The following SLC6A16 variants were observed in gnomAD, a reference collection of about 807,000 sequenced individuals.
SLC6A16 encodes orphan sodium- and chloride-dependent neurotransmitter transporter NTT5.
SLC6A16 carries 54 observed loss-of-function variants against 65.4 expected under a neutral mutation model. The ratio of observed to expected loss-of-function variants is 0.83; its 90% CI spans 0.66 to 1.04. The LOEUF (loss-of-function observed/expected upper bound fraction) is 1.04, where lower values mean the gene tolerates loss of function less well. SLC6A16 is among the 50% of genes least tolerant of loss of function. The pLI is 0.00. For synonymous variants in SLC6A16, 330 were observed against 346.5 expected (o/e 0.95, Z 0.53); for missense variants, 816 against 914.0 (o/e 0.89, Z 1.38).
At chr19:49,302,643 A>G (rs56712440) in intron 7 of SLC6A16, among the ~76,000 whole-genome samples, 3,405 of 152,364 alleles carry the variant, frequency 0.022, 127 homozygotes, top group African/African-American at 0.071. Context: ...ACTCCAAAGA[A>G]TAGCAGATCC....
the SLC6A16 span, chr19:49,337,164 G>T: frequency 6.2e-7 from 1 of 1,614,052 alleles, no homozygotes; most frequent in Non-Finnish European, 8.5e-7. Flanking sequence ...GGATGCTGCT[G>T]CTCCTGTTTG....
intron 7 of SLC6A16, among the ~76,000 whole-genome samples, chr19:49,299,985 G>A (rs1372713157): frequency 3.9e-5 from 5 of 129,650 alleles, no homozygotes; most frequent in African/African-American, 1.5e-4. Flanking sequence ...GCGACAGAGT[G>A]AGACTCTGTC....
chr19:49,339,555 G>A, the SLC6A16 span: 5 of 1,463,668 alleles, frequency 3.4e-6, no homozygotes, highest in Non-Finnish European at 3.6e-6. The surrounding 1 kb of genome is among the most constrained non-coding windows in gnomAD (Gnocchi z 4.5). Context: ...GCTCCACCCA[G>A]CACCGGAGGG....
At chr19:49,335,691 G>A in the SLC6A16 span, 62 of 1,613,054 alleles carry the variant, frequency 3.8e-5, no homozygotes, top group Non-Finnish European at 4.9e-5. This position sits in a 1 kb window ranked among gnomAD's most constrained non-coding sequence, Gnocchi z 4.6. Flanking sequence ...GCCCACCCCC[G>A]TATCCGCATC....
In SLC6A16 at chr19:49,309,673, T is replaced by A; in HGVS notation, c.854A>T (p.Asn285Ile). ...CWCLVGAFMI[N>I]GLKSTGKVIY... ...CACCTTCCCAGTGGACTTGAGCCCA[T>A]TGATCATGAAAGCACCAACAAGACA... The change falls in exon 5 of 12, where the codon AAT (asparagine) becomes ATT (isoleucine). Residue 285 changes from asparagine to isoleucine, a missense_variant. Physicochemically the swap from Asn to Ile is moderately radical, Grantham distance 149 (BLOSUM62 -3). Transcript: ENST00000335875. The A allele has an allele frequency of 1.2e-6, 2 of 1,613,842 alleles. No homozygotes were observed. The highest frequency in any genetic ancestry group is 1.7e-6 in the Non-Finnish European group (2 of 1,179,802).
chr19:49,312,657 T>A, intron 1 of SLC6A16: 1 of 805,174 alleles, frequency 1.2e-6, no homozygotes, highest in Non-Finnish European at 1.5e-6. Context: ...GAGGGGAAAC[T>A]GGAGTTTTCT....
the SLC6A16 span, chr19:49,337,703 A>G: frequency 1.3e-6 from 2 of 1,533,112 alleles, no homozygotes; most frequent in Admixed American, 2.0e-5. Flanking sequence ...AGAGAGAACA[A>G]GAGAAAGAAA....
chr19:49,332,967 G>A, the SLC6A16 span, among the ~76,000 whole-genome samples: 13 of 152,160 alleles, frequency 8.5e-5, no homozygotes, highest in African/African-American at 2.9e-4. Flanking sequence ...TTCAACACCA[G>A]CCTGGCCAAC....
chr19:49,304,379 A>G (rs946135008), intron 7 of SLC6A16, among the ~76,000 whole-genome samples: 10 of 152,360 alleles, frequency 6.6e-5, no homozygotes, highest in Admixed American at 5.9e-4. Flanking sequence ...CGCCTATCCA[A>G]TCTTGGACTG....
At chr19:49,291,394 G>C (rs1970076077) in intron 10 of SLC6A16, among the ~76,000 whole-genome samples, 1 of 151,676 alleles carries the variant, frequency 6.6e-6, no homozygotes, top group Non-Finnish European at 1.5e-5. Flanking sequence ...CCGGGTACTG[G>C]GATTTTCTGC....
At chr19:49,325,676 G>A (rs1568543523), upstream of SLC6A16, among the ~76,000 whole-genome samples, 1 of 152,092 alleles carries the variant, frequency 6.6e-6, no homozygotes, top group South Asian at 2.1e-4. Flanking sequence ...TAGGTCATCC[G>A]TTCTCATACT....
intron 1 of SLC6A16, among the ~76,000 whole-genome samples, chr19:49,319,707 AC>A (rs1019438799): frequency 1.1e-4 from 16 of 152,138 alleles, no homozygotes; most frequent in African/African-American, 3.1e-4. Context: ...CAATAAACCA[AC>A]CAGATCTAAC....
intron 1 of SLC6A16, among the ~76,000 whole-genome samples, chr19:49,314,479 A>G (rs1182625290): frequency 6.6e-6 from 1 of 152,198 alleles, no homozygotes; most frequent in Non-Finnish European, 1.5e-5. Flanking sequence ...TTTTTAACAA[A>G]TCATTGTTTG....
the SLC6A16 span, chr19:49,336,691 G>T: frequency 1.9e-6 from 1 of 539,968 alleles, no homozygotes; most frequent in Non-Finnish European, 3.3e-6. Flanking sequence ...GAAGGAGAGG[G>T]TAAGAGGAAG....
chr19:49,335,457 T>C, the SLC6A16 span: 1 of 985,508 alleles, frequency 1.0e-6, no homozygotes. This position sits in a 1 kb window ranked among gnomAD's most constrained non-coding sequence, Gnocchi z 4.6. Context: ...TCTTTCTCTC[T>C]CAGCCTCTTT....
At chr19:49,339,796 C>T in the SLC6A16 span, 1 of 1,361,724 alleles carries the variant, frequency 7.3e-7, no homozygotes, top group South Asian at 1.7e-5. This position sits in a 1 kb window ranked among gnomAD's most constrained non-coding sequence, Gnocchi z 4.5. Flanking sequence ...CAGCGGCAGT[C>T]TGTGGGGTGG....
intron 1 of SLC6A16, among the ~76,000 whole-genome samples, chr19:49,323,429 C>G (rs1970747652): frequency 6.6e-6 from 1 of 152,028 alleles, no homozygotes; most frequent in Admixed American, 6.6e-5. Flanking sequence ...AGATAACCCA[C>G]AGAATGGGAG....
chr19:49,308,428 G>A (rs1300239650), intron 7 of SLC6A16, among the ~76,000 whole-genome samples: 1 of 152,104 alleles, frequency 6.6e-6, no homozygotes, highest in Non-Finnish European at 1.5e-5. Flanking sequence ...ACTCCAGCCT[G>A]GGTGAAAGAG....
chr19:49,339,046 A>C, the SLC6A16 span: 31 of 940,300 alleles, frequency 3.3e-5, no homozygotes, highest in Admixed American at 4.4e-4. This position sits in a 1 kb window ranked among gnomAD's most constrained non-coding sequence, Gnocchi z 4.5. Flanking sequence ...CGAGAAAAGG[A>C]AAGGTACGGC....
Sources: gnomAD v4.1 joint callset for allele counts (sites outside exome capture counted in the v4.1 genomes callset) on GRCh38, gnomAD v4.1.1 for gene constraint, Gnocchi (gnomAD v3.1) non-coding constraint, MANE v1.5 for transcripts, NCBI Gene and HGNC (gene_info 2026-07-23, HGNC 2026-07-21) for gene names.